Variants in KDM2A observed in about 807,000 individuals in gnomAD.
The protein encoded by KDM2A is lysine-specific demethylase 2A.
In KDM2A, 3 loss-of-function variants were observed where a neutral mutation model predicts 137.3. The observed-to-expected ratio is 0.02, with a 90% CI of 0.01 to 0.06. The LOEUF is 0.06. Ranked by LOEUF, KDM2A falls within the 10% of genes least tolerant of loss-of-function variation. The pLI, the probability that KDM2A is intolerant of heterozygous loss-of-function variation, is 1.00. For missense variants in KDM2A, 738 were observed against 1,510.6 expected (o/e 0.49, Z 8.48); for synonymous variants, 512 against 541.5 (o/e 0.95, Z 0.76).
At chr11:67,238,209 T>C (rs1465679382) in intron 12 of KDM2A, among the ~76,000 whole-genome samples, 1 of 152,182 alleles carries the variant, frequency 6.6e-6, no homozygotes, top group Non-Finnish European at 1.5e-5. Flanking sequence ...AGTTAGGCCT[T>C]GTTTAATTTG....
At chr11:67,199,161 G>A (rs1857558296) in intron 5 of KDM2A, among the ~76,000 whole-genome samples, 1 of 152,144 alleles carries the variant, frequency 6.6e-6, no homozygotes, top group African/African-American at 2.4e-5. Context: ...GACTTGAAAT[G>A]TTGTATATGT....
In KDM2A at chr11:67,179,259, G is replaced by GT. The variant is rs200253663; in HGVS notation, c.43-812dup. Among the ~76,000 whole-genome samples the GT allele has an allele frequency of 5.5e-3, 833 of 151,840 alleles. 2 individuals are homozygous for GT. Among genetic ancestry groups the GT allele is most frequent in the Non-Finnish European group, 6.8e-3 (459 of 67,894 alleles). On this transcript the variant is annotated intron_variant, in intron 2 of 20. Transcript: ENST00000529006. ...GATGGTGTGCTATTTGGAATGCTGG[G>GT]TTTTTTTTGTTTTGTTTTGTTTTGT...
intron 5 of KDM2A, 42 bp downstream of exon 5, chr11:67,181,934 T>G: frequency 6.4e-7 from 1 of 1,552,978 alleles, no homozygotes; most frequent in Non-Finnish European, 8.9e-7. Flanking sequence ...AGGCAAAGAT[T>G]TAAGACTTAG....
In KDM2A at chr11:67,180,074, C is replaced by A; in HGVS notation, c.43-5C>A. On this transcript the variant is annotated splice_polypyrimidine_tract_variant and splice_region_variant and intron_variant, in intron 2 of 20. Coordinates refer to ENST00000529006, the MANE Select transcript of KDM2A (RefSeq NM_012308.3). ...ATTTCATCAGTATGTTCCTTTCTTTCCTAGCGTGGTACCATGCGACGACGC... is the reference window on the plus strand; with the variant it reads ...ATTTCATCAGTATGTTCCTTTCTTTACTAGCGTGGTACCATGCGACGACGC... 1 of 1,609,860 alleles carries A rather than the reference C, an allele frequency of 6.2e-7. No individual in the cohort carries two copies.
intron 12 of KDM2A, among the ~76,000 whole-genome samples, chr11:67,240,727 C>A (rs1434753854): frequency 1.3e-5 from 2 of 152,192 alleles, no homozygotes; most frequent in Non-Finnish European, 2.9e-5. Flanking sequence ...TATCCCAAAC[C>A]CCCTCTAGTG....
chr11:67,157,465 C>T (rs1384645526), intron 2 of KDM2A, among the ~76,000 whole-genome samples: 1 of 151,686 alleles, frequency 6.6e-6, no homozygotes, highest in African/African-American at 2.4e-5. Context: ...CATCTTGTGG[C>T]CGGGTGCAGT....
chr11:67,181,537 T>G, intron 4 of KDM2A, 139 bp downstream of exon 4: 2 of 615,042 alleles, frequency 3.3e-6, no homozygotes, highest in Admixed American at 3.1e-5. Context: ...GTATATGCTT[T>G]TCTTTTGATA....
At chr11:67,202,224 TAAAG>T (rs1857645157) in intron 5 of KDM2A, among the ~76,000 whole-genome samples, 1 of 152,142 alleles carries the variant, frequency 6.6e-6, no homozygotes, top group African/African-American at 2.4e-5. Context: ...GATGAGCAAA[TAAAG>T]AAGTTTGTTT....
intron 9 of KDM2A, among the ~76,000 whole-genome samples, chr11:67,218,717 TCTC>T (rs1858243934): frequency 6.6e-6 from 1 of 152,204 alleles, no homozygotes; most frequent in Admixed American, 6.5e-5. Context: ...TTCAAGCAAT[TCTC>T]CTGTCTCAGC....
chr11:67,124,343 A>G (rs1590699188), intron 2 of KDM2A, among the ~76,000 whole-genome samples: 2 of 133,444 alleles, frequency 1.5e-5, no homozygotes, highest in Non-Finnish European at 3.2e-5. Context: ...ATGGAGACTC[A>G]CTCTGTTACC....
intron 5 of KDM2A, among the ~76,000 whole-genome samples, chr11:67,186,315 A>G (rs1333094424): frequency 1.3e-5 from 2 of 152,224 alleles, no homozygotes; most frequent in Non-Finnish European, 2.9e-5. Flanking sequence ...TTCTCATCAG[A>G]AACTTTGGAG....
At chr11:67,130,173 T>G (rs1182768876) in intron 2 of KDM2A, among the ~76,000 whole-genome samples, 1 of 151,628 alleles carries the variant, frequency 6.6e-6, no homozygotes, top group East Asian at 2.0e-4. Flanking sequence ...AGTTAGTGAT[T>G]TATTTCTGAC....
At chr11:67,215,527 C>G in intron 7 of KDM2A, 81 bp downstream of exon 7, 1 of 889,700 alleles carries the variant, frequency 1.1e-6, no homozygotes, top group South Asian at 1.4e-5. Context: ...CCCTTACGAG[C>G]TTTGCTCTGT....
chr11:67,244,853 G>A (rs1381772835), intron 13 of KDM2A, among the ~76,000 whole-genome samples: 2 of 152,118 alleles, frequency 1.3e-5, no homozygotes, highest in Non-Finnish European at 2.9e-5. Flanking sequence ...GGGCATGGTG[G>A]TGGGCACCTG....
chr11:67,186,090 A>G (rs1228302042), intron 5 of KDM2A, among the ~76,000 whole-genome samples: 1 of 152,162 alleles, frequency 6.6e-6, no homozygotes, highest in Non-Finnish European at 1.5e-5. Flanking sequence ...ATTTGATCAA[A>G]TAATGGCTGA....
intron 2 of KDM2A, among the ~76,000 whole-genome samples, chr11:67,155,544 C>A (rs892254383): frequency 3.9e-5 from 6 of 151,914 alleles, no homozygotes; most frequent in Non-Finnish European, 7.4e-5. Flanking sequence ...CCTAAAATGA[C>A]CCTCCTGCCT....
At chr11:67,235,711 T>C (rs1424906588) in intron 12 of KDM2A, among the ~76,000 whole-genome samples, 1 of 151,930 alleles carries the variant, frequency 6.6e-6, no homozygotes, top group Non-Finnish European at 1.5e-5. Context: ...AGCCTCCACC[T>C]CCTGGGTTCA....
At chr11:67,184,219 T>G (rs1257234289) in intron 5 of KDM2A, among the ~76,000 whole-genome samples, 2 of 150,510 alleles carry the variant, frequency 1.3e-5, no homozygotes, top group South Asian at 2.1e-4. Flanking sequence ...TGTGGCCGGG[T>G]GCAGTGGCTC....
intron 2 of KDM2A, among the ~76,000 whole-genome samples, chr11:67,146,535 G>T (rs1423047250): frequency 6.6e-6 from 1 of 151,354 alleles, no homozygotes; most frequent in Non-Finnish European, 1.5e-5. Context: ...TTGAGACAGG[G>T]TCTCACTTTG....
Sources: allele counts gnomAD v4.1 joint callset (sites outside exome capture counted in the v4.1 genomes callset), GRCh38; gene constraint gnomAD v4.1.1; transcripts MANE v1.5; gene names NCBI Gene and HGNC (gene_info 2026-07-23, HGNC 2026-07-21).